NLN: variants seen among roughly 807,000 people sequenced by gnomAD.
NLN encodes the protein neurolysin, mitochondrial.
A neutral mutation model predicts 79.9 loss-of-function variants in NLN; 64 were observed. The observed-to-expected ratio is 0.80, with a 90% CI of 0.65 to 0.99. The LOEUF (loss-of-function observed/expected upper bound fraction) is 0.99. Among genes scored for constraint, NLN ranks in the 50% least tolerant of loss-of-function variants. The pLI is 0.00. For synonymous variants in NLN, 267 were observed against 296.6 expected (o/e 0.90, Z 1.02); for missense variants, 835 against 858.7 (o/e 0.97, Z 0.34).
chr5:65,789,989 A>G (rs1304776543), intron 8 of NLN, among the ~76,000 whole-genome samples: 1 of 152,198 alleles, frequency 6.6e-6, no homozygotes, highest in Non-Finnish European at 1.5e-5. Flanking sequence ...TTTATGCATT[A>G]AAGACTATAT....
intron 3 of NLN, among the ~76,000 whole-genome samples, chr5:65,764,466 G>T (rs1350763677): frequency 6.6e-6 from 1 of 152,192 alleles, no homozygotes; most frequent in Admixed American, 6.5e-5. Context: ...GGCAGAGGTT[G>T]CAGTGAGCTG....
chr5:65,722,286 A>T lies in NLN; in HGVS notation c.-88A>T. The T allele has an allele frequency of 9.5e-7, 1 of 1,056,596 alleles. No homozygotes were observed. The highest frequency in any genetic ancestry group is 1.3e-6 in the Non-Finnish European group (1 of 761,152). The allele number at this position is 1,056,596 out of a possible 1,614,324, so 65.5% of individuals were successfully genotyped here. ...GCCTCTGCGGCTAGGCCGGCTCGAG[A>T]CTCCCGGGCGCCCAGGCGCTGCCGC... On this transcript the variant is annotated 5_prime_UTR_variant, in exon 1 of 13. Transcript: ENST00000380985.
At chr5:65,762,880 C>T (rs1330125634) in intron 2 of NLN, 80 bp from the exon 3 acceptor site, 3 of 1,307,108 alleles carry the variant, frequency 2.3e-6, no homozygotes, top group African/African-American at 1.5e-5. Flanking sequence ...CATGATCATT[C>T]ATCTGGGTAT....
Position 65,812,401 on chromosome 5 carries a change from TA to T in NLN, c.1980+11del, listed in dbSNP as rs1760573766. 5 of 1,486,588 alleles carry T rather than the reference TA, an allele frequency of 3.4e-6. No homozygotes were observed. The East Asian group carries it at 1.1e-4, about 34-fold the overall frequency. 92.1% of individuals were successfully genotyped at this position (1,486,588 alleles called of 1,614,324 possible). A position where few individuals can be genotyped will look rare whatever the true frequency, so the allele number is the denominator to read the frequency against. On this transcript the variant is annotated intron_variant, in intron 12 of 12. Coordinates refer to ENST00000380985, the MANE Select transcript of NLN (RefSeq NM_020726.5). ...GATAATGAATCCAGAGGTATAGTAT[TA>T]TTTTTCTCCTTTTATTAATTTTGTA...
chr5:65,780,575 C>G (rs952060253), intron 5 of NLN, among the ~76,000 whole-genome samples: 1 of 151,580 alleles, frequency 6.6e-6, no homozygotes, highest in South Asian at 2.1e-4. Context: ...TTGTGTTTAA[C>G]AGCCTTCAGT....
At chr5:65,799,225 A>T (rs1760230986) in intron 9 of NLN, among the ~76,000 whole-genome samples, 1 of 152,194 alleles carries the variant, frequency 6.6e-6, no homozygotes, top group African/African-American at 2.4e-5. Flanking sequence ...TATGTGTCTG[A>T]CATGTCATAT....
At position 65,812,394 on chromosome 5, in the gene NLN, A is replaced by T. The variant is rs367584853; in HGVS notation, c.1980+3A>T. The T allele has an allele frequency of 3.3e-6, 5 of 1,502,574 alleles. No homozygotes were observed. The Admixed American group carries it at 5.2e-5, about 16-fold the overall frequency. 93.1% of individuals were successfully genotyped at this position (1,502,574 alleles called of 1,614,324 possible). A position where few individuals can be genotyped will look rare whatever the true frequency, so the allele number is the denominator to read the frequency against. On this transcript the variant is annotated splice_donor_region_variant and intron_variant, in intron 12 of 12. Transcript: ENST00000380985. ...AAGAAGGGATAATGAATCCAGAGGT[A>T]TAGTATTATTTTTCTCCTTTTATTA...
At chr5:65,737,306 G>A (rs11956650) in intron 1 of NLN, among the ~76,000 whole-genome samples, 35,978 of 151,848 alleles carry the variant, frequency 0.24, 4,402 homozygotes, top group African/African-American at 0.27. Flanking sequence ...ATCTCTAAAT[G>A]GTAACATCAT....
At chr5:65,725,169 T>C (rs1758440442) in intron 1 of NLN, among the ~76,000 whole-genome samples, 1 of 152,200 alleles carries the variant, frequency 6.6e-6, no homozygotes, top group Non-Finnish European at 1.5e-5. Context: ...AACTGGATTC[T>C]TATGTCTGCC....
intron 1 of NLN, among the ~76,000 whole-genome samples, chr5:65,736,676 G>A (rs12188420): frequency 0.24 from 35,990 of 151,960 alleles, 4,393 homozygotes; most frequent in African/African-American, 0.27. Flanking sequence ...ACATGTTTTC[G>A]TGTTTCTTTG....
chr5:65,810,181 G>T lies in NLN; in HGVS notation c.1843+16G>T, dbSNP rs1433712282. The T allele has an allele frequency of 4.3e-6, 7 of 1,611,686 alleles. No homozygotes were observed. Among genetic ancestry groups the T allele is most frequent in the Non-Finnish European group, 5.9e-6 (7 of 1,178,038 alleles). On this transcript the variant is annotated intron_variant, in intron 11 of 12. Coordinates refer to ENST00000380985, the MANE Select transcript of NLN (RefSeq NM_020726.5). ...GCTACTCCAGGTATGTAACTACTATGAATTGAGTTCATTTCTCTGTGAAGC... is the reference window on the plus strand; with the variant it reads ...GCTACTCCAGGTATGTAACTACTATTAATTGAGTTCATTTCTCTGTGAAGC...
chr5:65,787,285 T>C (rs559339439), intron 7 of NLN, among the ~76,000 whole-genome samples: 37 of 151,682 alleles, frequency 2.4e-4, no homozygotes, highest in Admixed American at 4.6e-4. Flanking sequence ...TATACATACA[T>C]GCGCACACAC....
At chr5:65,773,412 C>T (rs561840848) in intron 3 of NLN, among the ~76,000 whole-genome samples, 33 of 152,204 alleles carry the variant, frequency 2.2e-4, no homozygotes, top group East Asian at 1.5e-3. Context: ...GGATTATAGG[C>T]GTGAGCCACT....
chr5:65,822,778 T>C lies in NLN; in HGVS notation c.1981-3T>C, dbSNP rs1445297457. The C allele has an allele frequency of 1.2e-6, 2 of 1,607,592 alleles. No homozygotes were observed. Among genetic ancestry groups the C allele is most frequent in the African/African-American group, 2.7e-5 (2 of 74,798 alleles). On this transcript the variant is annotated splice_region_variant and splice_polypyrimidine_tract_variant and intron_variant, in intron 12 of 12. Transcript: ENST00000380985. ...TATTAGGTATGATGTTTTATTTTAT[T>C]AGGTTGGAATGAAATACAGAAACCT...
At chr5:65,816,841 T>C (rs552083190) in intron 12 of NLN, among the ~76,000 whole-genome samples, 34 of 152,280 alleles carry the variant, frequency 2.2e-4, no homozygotes, top group African/African-American at 7.5e-4. Flanking sequence ...CTCCCTAATG[T>C]GTGTGTGGGT....
chr5:65,722,431 G>C lies in NLN; in HGVS notation c.41+17G>C. 6.3e-7 allele frequency: 1 copy of C among 1,578,476 alleles called. No homozygotes were observed. Among genetic ancestry groups the C allele is most frequent in the Non-Finnish European group, 8.6e-7 (1 of 1,163,592 alleles). ...CCTCCGCAGGTACCTCCAGCGCGCG[G>C]GTTAACCTTGGCCGTGGGCAGGGCG... On this transcript the variant is annotated intron_variant, in intron 1 of 12. Transcript: ENST00000380985.
At chr5:65,809,459 T>C (rs1670826110) in intron 9 of NLN, 56 bp from the exon 10 acceptor site, 1 of 1,409,374 alleles carries the variant, frequency 7.1e-7, no homozygotes, top group Admixed American at 2.2e-5. Context: ...TAATTATTCA[T>C]TGCATATGTA....
intron 3 of NLN, 41 bp downstream of exon 3, chr5:65,763,149 T>G (rs753550991): frequency 1.9e-6 from 3 of 1,550,446 alleles, no homozygotes; most frequent in Non-Finnish European, 2.6e-6. Context: ...GGAAAAACTC[T>G]ACAACAAAAA....
At chr5:65,773,127 ATTTTT>A (rs757202934) in intron 3 of NLN, among the ~76,000 whole-genome samples, 3 of 96,608 alleles carry the variant, frequency 3.1e-5, no homozygotes, top group Admixed American at 1.2e-4. Flanking sequence ...CCTGAATTCT[ATTTTT>A]TTTTTTTTTT....
Sources: allele counts gnomAD v4.1 joint callset (sites outside exome capture counted in the v4.1 genomes callset), GRCh38; gene constraint gnomAD v4.1.1; transcripts MANE v1.5; gene names NCBI Gene and HGNC (gene_info 2026-07-23, HGNC 2026-07-21).